USP28: variants seen among roughly 807,000 people sequenced by gnomAD.
USP28 encodes the protein ubiquitin carboxyl-terminal hydrolase 28.
USP28 carries 113 observed loss-of-function variants against 145.0 expected under a neutral mutation model. The ratio of observed to expected loss-of-function variants is 0.78; its 90% CI spans 0.67 to 0.91. The LOEUF (loss-of-function observed/expected upper bound fraction) is 0.91, where lower values mean the gene tolerates loss of function less well. Ranked by LOEUF, USP28 falls within the 40% of genes least tolerant of loss-of-function variation. The pLI is 0.00. For synonymous variants in USP28, 447 were observed against 450.9 expected (o/e 0.99, Z 0.11); for missense variants, 1,201 against 1,289.6 (o/e 0.93, Z 1.05).
chr11:113,813,021 T>C (rs1377459148), intron 15 of USP28, among the ~76,000 whole-genome samples: 1 of 152,220 alleles, frequency 6.6e-6, no homozygotes, highest in Non-Finnish European at 1.5e-5. Context: ...TACTTGTTTG[T>C]TACAACATTT....
chr11:113,802,061 C>G (rs1378612594), intron 23 of USP28, among the ~76,000 whole-genome samples: 1 of 152,200 alleles, frequency 6.6e-6, no homozygotes, highest in African/African-American at 2.4e-5. Flanking sequence ...CCCAGGGATT[C>G]TGGTTTAATT....
chr11:113,833,890 A>G (rs1214204009), intron 6 of USP28, among the ~76,000 whole-genome samples: 1 of 152,232 alleles, frequency 6.6e-6, no homozygotes, highest in Non-Finnish European at 1.5e-5. Flanking sequence ...ACCTTTGGCA[A>G]AAACAGAATA....
intron 1 of USP28, chr11:113,874,600 C>A: frequency 7.8e-7 from 1 of 1,288,396 alleles, no homozygotes; most frequent in Non-Finnish European, 1.0e-6. Flanking sequence ...GCACAGATTT[C>A]CCGTTTTCTC....
intron 1 of USP28, among the ~76,000 whole-genome samples, chr11:113,866,641 A>C (rs976893340): frequency 6.6e-6 from 1 of 152,230 alleles, no homozygotes; most frequent in Non-Finnish European, 1.5e-5. Flanking sequence ...AAAAACAAAA[A>C]ATAACAAGTG....
intron 10 of USP28, among the ~76,000 whole-genome samples, chr11:113,827,816 C>A (rs555845698): frequency 1.3e-5 from 2 of 152,306 alleles, no homozygotes; most frequent in African/African-American, 4.8e-5. Context: ...CATATGTGTA[C>A]ATATATTACA....
chr11:113,869,795 G>A (rs1214599600), intron 1 of USP28, among the ~76,000 whole-genome samples: 1 of 152,152 alleles, frequency 6.6e-6, no homozygotes, highest in Non-Finnish European at 1.5e-5. Context: ...TTATAGCCAA[G>A]GAGGTTGATA....
At chr11:113,807,851 C>T (rs879258809) in intron 18 of USP28, 100 bp downstream of exon 19, 37 of 827,790 alleles carry the variant, frequency 4.5e-5, no homozygotes, top group Non-Finnish European at 5.0e-5. Context: ...TTTTTTGCAA[C>T]GAGAAAATAT....
chr11:113,817,596 G>T, intron 13 of USP28, 62 bp downstream of exon 13: 1 of 1,546,266 alleles, frequency 6.5e-7, no homozygotes, highest in Non-Finnish European at 8.8e-7. Flanking sequence ...CAAAGATGGT[G>T]CATAGTTTAA....
At chr11:113,842,360 C>T (rs1229788977) in intron 3 of USP28, among the ~76,000 whole-genome samples, 2 of 151,538 alleles carry the variant, frequency 1.3e-5, no homozygotes, top group African/African-American at 2.4e-5. Flanking sequence ...CCGAGGCGGG[C>T]GGATCACGAG....
rs569142329 is a variant in USP28, at chr11:113,863,316, G to T, written c.58-8981C>A. Among the ~76,000 whole-genome samples the T allele has an allele frequency of 2.5e-3, 384 of 152,256 alleles. 4 individuals are homozygous for T. The highest frequency in any genetic ancestry group is 8.8e-3 in the African/African-American group (364 of 41,544). On this transcript the variant is annotated intron_variant, in intron 1 of 24. Coordinates refer to ENST00000003302, the Ensembl canonical transcript of USP28. ...GAATAAAATACTTAGGAATAAATTT[G>T]ACCAAAGAGGTAAAAAACCTGGGCC...
At chr11:113,857,949 T>C (rs896366074) in intron 1 of USP28, among the ~76,000 whole-genome samples, 3 of 152,068 alleles carry the variant, frequency 2.0e-5, no homozygotes, top group Middle Eastern at 3.2e-3. Flanking sequence ...CACTGCAGCC[T>C]CGGCATCCCA....
chr11:113,827,229 T>C lies in USP28; in HGVS notation c.1187+4A>G, dbSNP rs559387660. The C allele has an allele frequency of 3.1e-6, 5 of 1,597,098 alleles. No individual in the cohort carries two copies. The highest frequency in any genetic ancestry group is 1.4e-5 in the African/African-American group (1 of 72,432). On this transcript the variant is annotated splice_donor_region_variant and intron_variant, in intron 11 of 24. Coordinates refer to ENST00000003302, the Ensembl canonical transcript of USP28. ...GGAAAAAAAAAAATCAGCCAAGAAC[T>C]CACCTGTCCATATAAATAATCTGAG...
intron 18 of USP28, among the ~76,000 whole-genome samples, chr11:113,807,457 A>G (rs1202680972): frequency 6.6e-6 from 1 of 152,264 alleles, no homozygotes; most frequent in East Asian, 1.9e-4. Flanking sequence ...GTTTATGTGC[A>G]GTGCAACTGA....
chr11:113,804,704 C>T (rs1333628023), exon 21 of USP28: 4 of 1,614,152 alleles, frequency 2.5e-6, no homozygotes. Context: ...GTCATCTGGA[C>T]CAATTTCCTT....
chr11:113,840,656 C>A, exon 5 of USP28: 1 of 1,614,194 alleles, frequency 6.2e-7, no homozygotes, highest in South Asian at 1.1e-5. Context: ...AACTGGCCAA[C>A]CATCAACTCT....
At chr11:113,829,170 C>T (rs1403302083) in intron 10 of USP28, 27 bp downstream of exon 10, 1 of 1,608,344 alleles carries the variant, frequency 6.2e-7, no homozygotes, top group Non-Finnish European at 8.5e-7. Context: ...TTGTCACTGG[C>T]ACAGCAAATA....
intron 14 of USP28, among the ~76,000 whole-genome samples, chr11:113,814,460 T>C (rs1056417267): frequency 1.3e-5 from 2 of 152,168 alleles, no homozygotes; most frequent in African/African-American, 4.8e-5. Context: ...CAATTTTACA[T>C]TGTGCATACT....
chr11:113,863,801 C>T (rs186758947), intron 1 of USP28, among the ~76,000 whole-genome samples: 1,870 of 151,608 alleles, frequency 0.012, 43 homozygotes, highest in African/African-American at 0.043. Flanking sequence ...AAAAATTAGC[C>T]GGGCATGGTG....
intron 16 of USP28, among the ~76,000 whole-genome samples, chr11:113,810,904 G>A (rs1393693091): frequency 2.6e-5 from 4 of 152,124 alleles, no homozygotes; most frequent in African/African-American, 9.7e-5. Context: ...TCAACTCCTG[G>A]CCTCAAGTGA....
Sources: gnomAD v4.1 joint callset for allele counts (sites outside exome capture counted in the v4.1 genomes callset) on GRCh38, gnomAD v4.1.1 for gene constraint, MANE v1.5 for transcripts, NCBI Gene and HGNC (gene_info 2026-07-23, HGNC 2026-07-21) for gene names.